Variants in HECW1 observed in about 807,000 individuals in gnomAD.
The protein encoded by HECW1 is HECT, C2 and WW domain containing E3 ubiquitin protein ligase 1.
Under a neutral mutation model 182.3 loss-of-function variants are expected in HECW1, and 61 were observed. The ratio of observed to expected loss-of-function variants is 0.33; its 90% CI spans 0.27 to 0.41. The LOEUF is 0.41. Ranked by LOEUF, HECW1 falls within the 10% of genes least tolerant of loss-of-function variation. HECW1 has a pLI of 1.00. For missense variants in HECW1, 1,739 were observed against 2,108.9 expected, an observed-to-expected ratio of 0.82 and a Z score of 3.44; for synonymous variants, 859 against 832.6, an observed-to-expected ratio of 1.03 and a Z score of -0.55.
chr7:43,281,740 A>G lies in HECW1; in HGVS notation c.28-30023A>G, dbSNP rs1307955971. Among the ~76,000 whole-genome samples, 15 of 45,804 alleles carry G rather than the reference A, an allele frequency of 3.3e-4. 1 individual carries two copies. Among genetic ancestry groups the G allele is most frequent in the Middle Eastern group, 0.012 (1 of 84 alleles). The allele number at this position is 45,804 out of a possible 152,430, so 30.0% of individuals were successfully genotyped here. A position where few individuals can be genotyped will look rare whatever the true frequency, so the allele number is the denominator to read the frequency against. The stretch of plus-strand genomic sequence containing the variant: ...TTTTTTTTTTTTTTTTTTTTTTTTT[A>G]GAGAGACAAGGTCTAACTATGTTGC... On this transcript the variant is annotated intron_variant, in intron 3 of 29. Coordinates refer to ENST00000395891, the MANE Select transcript of HECW1 (RefSeq NM_015052.5).
At position 43,544,842 on chromosome 7, in the gene HECW1, A is replaced by G. The variant is rs186832319; in HGVS notation, c.4248+2844A>G. On this transcript the variant is annotated intron_variant, in intron 26 of 29. Coordinates refer to ENST00000395891, the MANE Select transcript of HECW1 (RefSeq NM_015052.5). The stretch of plus-strand genomic sequence containing the variant: ...TATAATCATGAGCAATAAACAGGGT[A>G]CACTAACAACAATAAAGAAAGAAAA... Among the ~76,000 whole-genome samples, 98 of 152,352 alleles carry G rather than the reference A, an allele frequency of 6.4e-4. 2 individuals are homozygous for G. The highest frequency in any genetic ancestry group is 4.5e-3 in the Admixed American group (69 of 15,308).
intron 19 of HECW1, among the ~76,000 whole-genome samples, chr7:43,494,548 G>A (rs190977152): frequency 6.6e-6 from 1 of 151,512 alleles, no homozygotes; most frequent in Admixed American, 6.6e-5. Context: ...CTGTTGCCTG[G>A]GCTGAAGTGA....
intron 2 of HECW1, among the ~76,000 whole-genome samples, chr7:43,181,986 A>G (rs561277321): frequency 1.3e-5 from 2 of 150,218 alleles, no homozygotes; most frequent in African/African-American, 2.5e-5. Flanking sequence ...GGGTTTCACC[A>G]TGTTAGCCAG....
At chr7:43,365,170 G>C (rs140687812) in intron 6 of HECW1, among the ~76,000 whole-genome samples, 1 of 152,222 alleles carries the variant, frequency 6.6e-6, no homozygotes, top group Admixed American at 6.5e-5. Flanking sequence ...TTTGCCTGCC[G>C]GTTCTCCTGC....
chr7:43,335,891 TTCTC>T (rs540124666), intron 5 of HECW1, among the ~76,000 whole-genome samples: 2 of 125,056 alleles, frequency 1.6e-5, no homozygotes, highest in African/African-American at 3.1e-5. Context: ...TCATCTTTCT[TTCTC>T]TCTTTCTGTC....
chr7:43,169,341 C>T (rs1791445993), intron 2 of HECW1, among the ~76,000 whole-genome samples: 1 of 152,180 alleles, frequency 6.6e-6, no homozygotes, highest in Admixed American at 6.5e-5. Context: ...CTGCGCATGG[C>T]AGGGTGTGAC....
chr7:43,525,077 T>C (rs2080703324), intron 24 of HECW1, among the ~76,000 whole-genome samples: 1 of 152,200 alleles, frequency 6.6e-6, no homozygotes, highest in Admixed American at 6.5e-5. Flanking sequence ...ATGAATGTAT[T>C]ATGGCATGAT....
intron 2 of HECW1, among the ~76,000 whole-genome samples, chr7:43,201,705 T>C (rs909335428): frequency 6.6e-6 from 1 of 152,228 alleles, no homozygotes; most frequent in African/African-American, 2.4e-5. Flanking sequence ...GACTAGGGAA[T>C]CTTGGTCAGA....
chr7:43,180,320 C>A (rs373655428), intron 2 of HECW1, among the ~76,000 whole-genome samples: 21 of 152,196 alleles, frequency 1.4e-4, no homozygotes, highest in African/African-American at 4.8e-4. Flanking sequence ...CAAAAAACTT[C>A]AGGATTTTGA....
intron 14 of HECW1, 47 bp downstream of exon 14, chr7:43,463,846 G>T: frequency 6.3e-7 from 1 of 1,598,432 alleles, no homozygotes; most frequent in Non-Finnish European, 8.6e-7. Context: ...TTCAGGGGCT[G>T]TGTGACAGAG....
chr7:43,307,203 T>C (rs1244141837), intron 3 of HECW1, among the ~76,000 whole-genome samples: 1 of 152,214 alleles, frequency 6.6e-6, no homozygotes, highest in African/African-American at 2.4e-5. Flanking sequence ...CTAAAATCTA[T>C]GCTTGACATA....
At chr7:43,304,880 C>T (rs1410282966) in intron 3 of HECW1, among the ~76,000 whole-genome samples, 4 of 152,218 alleles carry the variant, frequency 2.6e-5, no homozygotes, top group Non-Finnish European at 5.9e-5. Context: ...CTAGGCTGGG[C>T]TGCTGTCTTG....
intron 8 of HECW1, among the ~76,000 whole-genome samples, chr7:43,408,658 C>G (rs1336879067): frequency 6.6e-6 from 1 of 152,040 alleles, no homozygotes; most frequent in Non-Finnish European, 1.5e-5. Context: ...TGCACTCCAA[C>G]CTGGGTGACA....
chr7:43,302,644 G>C (rs1156938393), intron 3 of HECW1, among the ~76,000 whole-genome samples: 4 of 152,194 alleles, frequency 2.6e-5, no homozygotes, highest in Admixed American at 2.6e-4. Context: ...CTGGCTCACA[G>C]CAGCTCCACC....
At position 43,422,423 on chromosome 7, in the gene HECW1, T is replaced by G. The variant is rs1584854898; in HGVS notation, c.801+14692T>G. On this transcript the variant is annotated intron_variant, in intron 8 of 29. Transcript: ENST00000395891. ...TGTCACCCAGGCTGGAGTGCAGTGG[T>G]ACGATCTCAGCTCACTGCAACCTCC... Among the ~76,000 whole-genome samples, 7 of 150,060 alleles carry G rather than the reference T, an allele frequency of 4.7e-5. No individual in the cohort carries two copies. The South Asian group carries it at 1.5e-3, about 32-fold the overall frequency.
intron 20 of HECW1, 43 bp downstream of exon 20, chr7:43,500,825 G>A (rs756120710): frequency 4.0e-6 from 6 of 1,508,914 alleles, no homozygotes; most frequent in East Asian, 2.3e-5. Flanking sequence ...AGCTTCCCTG[G>A]GCAGCTCTCC....
chr7:43,513,936 C>T (rs1181394535), intron 24 of HECW1, among the ~76,000 whole-genome samples: 1 of 152,178 alleles, frequency 6.6e-6, no homozygotes, highest in Admixed American at 6.5e-5. Flanking sequence ...CACTCAAGGA[C>T]ACAGCCCCTG....
intron 26 of HECW1, among the ~76,000 whole-genome samples, chr7:43,548,604 A>T (rs2152957629): frequency 6.6e-6 from 1 of 152,334 alleles, no homozygotes; most frequent in East Asian, 1.9e-4. Context: ...GAAGCCAAAA[A>T]TGACCCTGTT....
At chr7:43,334,794 C>G (rs1811919176) in intron 5 of HECW1, among the ~76,000 whole-genome samples, 1 of 152,216 alleles carries the variant, frequency 6.6e-6, no homozygotes, top group African/African-American at 2.4e-5. Flanking sequence ...TTATGCTTCT[C>G]ATATCCTTTG....
Sources: gnomAD v4.1 joint callset for allele counts (sites outside exome capture counted in the v4.1 genomes callset) on GRCh38, gnomAD v4.1.1 for gene constraint, MANE v1.5 for transcripts, NCBI Gene and HGNC (gene_info 2026-07-23, HGNC 2026-07-21) for gene names.